The following NNT variants were observed in gnomAD, a reference collection of about 807,000 sequenced individuals.
The protein encoded by NNT is nicotinamide nucleotide transhydrogenase.
Under a neutral mutation model 104.8 loss-of-function variants are expected in NNT, and 50 were observed. The ratio of observed to expected loss-of-function variants is 0.48; its 90% CI spans 0.38 to 0.60. The LOEUF is 0.60. Among genes scored for constraint, NNT ranks in the 20% least tolerant of loss-of-function variants. The probability of loss-of-function intolerance (pLI) is 0.00; values close to 1 mark genes in which losing one functional copy is unlikely to be tolerated. For missense variants in NNT, 1,131 were observed against 1,330.7 expected (o/e 0.85, Z 2.33); for synonymous variants, 461 against 490.4 (o/e 0.94, Z 0.79).
Position 43,705,243 on chromosome 5 carries a change from G to C in NNT, c.*839G>C, listed in dbSNP as rs151107527. ...GTTCATCATGTTGGCAAGTGATGTG[G>C]CAATTATCTCTGGTGACAAAAGAGT... On this transcript the variant is annotated 3_prime_UTR_variant, in exon 22 of 22. Coordinates refer to ENST00000344920, the MANE Select transcript of NNT (RefSeq NM_182977.3). The C allele has an allele frequency of 6.6e-6, 1 of 152,214 alleles. No individual in the cohort carries two copies. Among genetic ancestry groups the C allele is most frequent in the African/African-American group, 2.4e-5 (1 of 41,548 alleles). 9.4% of individuals were successfully genotyped at this position (152,214 alleles called of 1,614,324 possible).
At chr5:43,691,915 G>A (rs1045482482) in intron 19 of NNT, among the ~76,000 whole-genome samples, 1 of 152,130 alleles carries the variant, frequency 6.6e-6, no homozygotes, top group Non-Finnish European at 1.5e-5. Flanking sequence ...CAGTACCTGT[G>A]TCTACCAAAC....
Position 43,613,155 on chromosome 5 carries a change from C to T in NNT, c.381+18C>T. 11 of 1,585,296 alleles carry T rather than the reference C, an allele frequency of 6.9e-6. No individual in the cohort carries two copies. Among genetic ancestry groups the T allele is most frequent in the Non-Finnish European group, 9.5e-6 (11 of 1,156,908 alleles). On this transcript the variant is annotated intron_variant, in intron 3 of 21. Transcript: ENST00000344920. ...TGGTCAAAGTAATTATTCCTTTTTC[C>T]TCTCCCATTTACAGCATGCTGACTT...
intron 7 of NNT, among the ~76,000 whole-genome samples, chr5:43,628,593 ATTT>A (rs902709615): frequency 6.6e-6 from 1 of 150,512 alleles, no homozygotes; most frequent in Non-Finnish European, 1.5e-5. Flanking sequence ...CTGTGAAAAA[ATTT>A]TTTTTTTGAG....
intron 19 of NNT, among the ~76,000 whole-genome samples, chr5:43,685,203 CA>C (rs1445422564): frequency 6.6e-6 from 1 of 152,122 alleles, no homozygotes; most frequent in Non-Finnish European, 1.5e-5. Flanking sequence ...AGATGTTTAA[CA>C]AATGAGCCTT....
chr5:43,616,338 A>G (rs766966890), intron 4 of NNT, among the ~76,000 whole-genome samples: 4 of 152,226 alleles, frequency 2.6e-5, no homozygotes, highest in Admixed American at 1.3e-4. Context: ...GATTATTTGT[A>G]TGAGGAACAC....
chr5:43,666,460 C>T (rs902675391), intron 17 of NNT, among the ~76,000 whole-genome samples: 13 of 152,102 alleles, frequency 8.5e-5, no homozygotes, highest in African/African-American at 2.9e-4. Flanking sequence ...GGCGTGGCAG[C>T]GCGCGCCTGC....
chr5:43,694,445 G>T (rs995996492), intron 19 of NNT, among the ~76,000 whole-genome samples: 17 of 152,126 alleles, frequency 1.1e-4, no homozygotes, highest in African/African-American at 3.1e-4. Flanking sequence ...CTATTTTGAG[G>T]TATGTTCCTT....
In NNT at chr5:43,644,605, A is replaced by C. The variant is rs1202404302; in HGVS notation, c.1099-6A>C. 1.3e-6 allele frequency: 2 copies of C among 1,599,468 alleles called. No homozygotes were observed. The highest frequency in any genetic ancestry group is 2.2e-5 in the South Asian group (2 of 88,986). ...GACCTTTTTGACTATAATTTTGTTC[A>C]TTTAGGGAATTACTCACATAGGCTA... On this transcript the variant is annotated splice_region_variant and splice_polypyrimidine_tract_variant and intron_variant, in intron 8 of 21. Transcript: ENST00000344920.
chr5:43,620,463 G>A (rs539409699), intron 5 of NNT, among the ~76,000 whole-genome samples: 4 of 151,866 alleles, frequency 2.6e-5, no homozygotes, highest in East Asian at 1.9e-4. Context: ...CTTGTGATCC[G>A]CCCGCCTTGG....
At chr5:43,694,009 G>A (rs1742427124) in intron 19 of NNT, among the ~76,000 whole-genome samples, 1 of 152,126 alleles carries the variant, frequency 6.6e-6, no homozygotes, top group African/African-American at 2.4e-5. Context: ...TCCCATTCCT[G>A]ACATAAAGCT....
At chr5:43,679,185 A>AT (rs1741575713) in intron 19 of NNT, among the ~76,000 whole-genome samples, 1 of 152,236 alleles carries the variant, frequency 6.6e-6, no homozygotes, top group Admixed American at 6.5e-5. Context: ...TGCTGAGAAC[A>AT]TTTGTAGGCC....
intron 7 of NNT, among the ~76,000 whole-genome samples, chr5:43,634,447 G>A (rs1161803345): frequency 6.6e-6 from 1 of 151,992 alleles, no homozygotes; most frequent in Non-Finnish European, 1.5e-5. Flanking sequence ...CAAAAGTAAG[G>A]ATTTATTATT....
intron 19 of NNT, among the ~76,000 whole-genome samples, chr5:43,698,036 T>C (rs1017630160): frequency 2.0e-5 from 3 of 151,950 alleles, no homozygotes; most frequent in African/African-American, 7.3e-5. Flanking sequence ...ATGGCACAAC[T>C]ATAGACCTTG....
intron 17 of NNT, among the ~76,000 whole-genome samples, chr5:43,671,051 C>G (rs1419186507): frequency 6.6e-6 from 1 of 152,098 alleles, no homozygotes; most frequent in Non-Finnish European, 1.5e-5. Flanking sequence ...CCTTCTTTGT[C>G]TCTTTTGATA....
intron 4 of NNT, among the ~76,000 whole-genome samples, chr5:43,617,271 T>C (rs1005758014): frequency 6.6e-6 from 1 of 152,212 alleles, no homozygotes; most frequent in African/African-American, 2.4e-5. Flanking sequence ...TTGAATCTTT[T>C]GAGCAAATGA....
intron 16 of NNT, among the ~76,000 whole-genome samples, chr5:43,658,021 G>A (rs1301568658): frequency 6.6e-6 from 1 of 152,084 alleles, no homozygotes; most frequent in East Asian, 1.9e-4. Flanking sequence ...TGTATTCCCA[G>A]CTGCTCGGGA....
intron 12 of NNT, among the ~76,000 whole-genome samples, chr5:43,650,820 A>G (rs1384167879): frequency 1.3e-5 from 2 of 152,244 alleles, no homozygotes; most frequent in African/African-American, 4.8e-5. Context: ...GTCTTGCTAC[A>G]AGTTAACTGG....
At chr5:43,688,430 C>A (rs1320952891) in intron 19 of NNT, among the ~76,000 whole-genome samples, 1 of 151,978 alleles carries the variant, frequency 6.6e-6, no homozygotes, top group Non-Finnish European at 1.5e-5. Flanking sequence ...TTTTCAATTT[C>A]AATAGGTTTT....
chr5:43,670,819 T>C (rs1470052054), intron 17 of NNT, among the ~76,000 whole-genome samples: 1 of 152,208 alleles, frequency 6.6e-6, no homozygotes, highest in Non-Finnish European at 1.5e-5. Flanking sequence ...CAGAGTCGCG[T>C]TAAACTCCTG....
Sources: allele counts gnomAD v4.1 joint callset (sites outside exome capture counted in the v4.1 genomes callset), GRCh38; gene constraint gnomAD v4.1.1; transcripts MANE v1.5; gene names NCBI Gene and HGNC (gene_info 2026-07-23, HGNC 2026-07-21).